The following EXT1 variants were observed in gnomAD, a reference collection of about 807,000 sequenced individuals.
EXT1 encodes the protein exostosin glycosyltransferase 1.
Under a neutral mutation model 82.5 loss-of-function variants are expected in EXT1, and 20 were observed. That is an observed-to-expected ratio of 0.24 (90% CI 0.17 to 0.35). The LOEUF (loss-of-function observed/expected upper bound fraction) is 0.35, where lower values mean the gene tolerates loss of function less well. EXT1 is among the 10% of genes least tolerant of loss of function. The pLI, the probability that EXT1 is intolerant of heterozygous loss-of-function variation, is 1.00. For missense variants in EXT1, 757 were observed against 936.5 expected (o/e 0.81, Z 2.50); for synonymous variants, 348 against 350.8 (o/e 0.99, Z 0.09).
intron 4 of EXT1, among the ~76,000 whole-genome samples, chr8:117,828,999 T>A (rs1367865685): frequency 1.3e-5 from 2 of 152,148 alleles, no homozygotes; most frequent in East Asian, 3.9e-4. Context: ...TTCTTGGTAT[T>A]ACTCAGATTT....
Position 118,111,317 on chromosome 8 carries a change from A to G in EXT1, c.-271T>C. The G allele has an allele frequency of 1.7e-6, 1 of 601,924 alleles. No individual in the cohort carries two copies. The highest frequency in any genetic ancestry group is 2.0e-5 in the South Asian group (1 of 49,474). 37.3% of individuals were successfully genotyped at this position (601,924 alleles called of 1,614,324 possible). A position where few individuals can be genotyped will look rare whatever the true frequency, so the allele number is the denominator to read the frequency against. On this transcript the variant is annotated 5_prime_UTR_variant, in exon 1 of 11. Transcript: ENST00000378204. ...GAATATCTCGCACCCAGGGCGGGCG[A>G]GCAGCGGACTGTAATTTTCTTGCAT...
chr8:117,862,636 A>G (rs1812704573), intron 1 of EXT1, among the ~76,000 whole-genome samples: 1 of 145,638 alleles, frequency 6.9e-6, no homozygotes. Flanking sequence ...AAGGGGAATT[A>G]GACAGGAATG....
rs17474741 is a variant in EXT1, at chr8:117,843,863, A to G, written c.963-6662T>C. On this transcript the variant is annotated intron_variant, in intron 1 of 10. Coordinates refer to ENST00000378204, the MANE Select transcript of EXT1 (RefSeq NM_000127.3). ...TCATTCTAAATCCCATTTTCTTTCC[A>G]TTACATCACATTGCCTCCTTGGTCA... Among the ~76,000 whole-genome samples the G allele has an allele frequency of 5.7e-3, 872 of 152,202 alleles. 5 individuals are homozygous for G. The highest frequency in any genetic ancestry group is 0.018 in the African/African-American group (765 of 41,522).
chr8:117,843,208 C>T (rs992806971), intron 1 of EXT1, among the ~76,000 whole-genome samples: 2 of 152,210 alleles, frequency 1.3e-5, no homozygotes, highest in South Asian at 2.1e-4. Flanking sequence ...CACCTCCTTG[C>T]GCCTTTTTCA....
At chr8:117,992,438 TAA>T (rs142840509) in intron 1 of EXT1, among the ~76,000 whole-genome samples, 15 of 53,106 alleles carry the variant, frequency 2.8e-4, no homozygotes, top group East Asian at 5.3e-4. Flanking sequence ...TTCAACTAGC[TAA>T]AAAAAAAAAA....
chr8:117,928,049 G>C (rs1320412733), intron 1 of EXT1, among the ~76,000 whole-genome samples: 1 of 152,184 alleles, frequency 6.6e-6, no homozygotes, highest in Non-Finnish European at 1.5e-5. Flanking sequence ...CCTCCTTATT[G>C]AACAGGCCTG....
chr8:117,874,402 C>T (rs1323620007), intron 1 of EXT1, among the ~76,000 whole-genome samples: 1 of 151,990 alleles, frequency 6.6e-6, no homozygotes, highest in Non-Finnish European at 1.5e-5. Flanking sequence ...ATGGCGAAAC[C>T]TAGTCTCTAC....
chr8:117,895,688 A>G (rs1813322518), intron 1 of EXT1, among the ~76,000 whole-genome samples: 1 of 152,198 alleles, frequency 6.6e-6, no homozygotes, highest in Admixed American at 6.5e-5. Flanking sequence ...AGTCTACCAG[A>G]ATAACCTAGG....
intron 1 of EXT1, among the ~76,000 whole-genome samples, chr8:118,058,721 A>G (rs535593016): frequency 3.9e-5 from 6 of 152,338 alleles, no homozygotes; most frequent in Admixed American, 3.3e-4. Context: ...GATTAAATAG[A>G]TTAGGTAAAT....
chr8:118,072,294 G>C (rs1817109914), intron 1 of EXT1, among the ~76,000 whole-genome samples: 1 of 152,178 alleles, frequency 6.6e-6, no homozygotes, highest in South Asian at 2.1e-4. Flanking sequence ...ATGATACTGA[G>C]CATGCTTTAA....
At chr8:117,932,979 C>T (rs1432711793) in intron 1 of EXT1, among the ~76,000 whole-genome samples, 1 of 152,230 alleles carries the variant, frequency 6.6e-6, no homozygotes, top group Admixed American at 6.5e-5. Flanking sequence ...TCACTCCATC[C>T]TAGCCATACT....
intron 1 of EXT1, among the ~76,000 whole-genome samples, chr8:118,081,866 T>A (rs1817338309): frequency 6.6e-6 from 1 of 152,226 alleles, no homozygotes; most frequent in Non-Finnish European, 1.5e-5. Flanking sequence ...CAACCCAGTC[T>A]GTACATTATT....
intron 2 of EXT1, among the ~76,000 whole-genome samples, chr8:117,836,642 G>C (rs1812192686): frequency 6.6e-6 from 1 of 152,164 alleles, no homozygotes; most frequent in South Asian, 2.1e-4. Context: ...CTGGAGCCAG[G>C]ACCTCTGAAC....
chr8:118,044,981 T>C (rs151138303), intron 1 of EXT1, among the ~76,000 whole-genome samples: 1 of 152,360 alleles, frequency 6.6e-6, no homozygotes, highest in Non-Finnish European at 1.5e-5. Context: ...CAGAAAAAGT[T>C]TGCCAACCTC....
chr8:117,889,874 T>C (rs1049662229), intron 1 of EXT1, among the ~76,000 whole-genome samples: 6 of 152,160 alleles, frequency 3.9e-5, no homozygotes, highest in African/African-American at 1.4e-4. Flanking sequence ...AGAATAACCA[T>C]GCGATTTAAT....
At position 117,886,566 on chromosome 8, in the gene EXT1, C is replaced by T. The variant is rs375477795; in HGVS notation, c.963-49365G>A. On this transcript the variant is annotated intron_variant, in intron 1 of 10. Coordinates refer to ENST00000378204, the MANE Select transcript of EXT1 (RefSeq NM_000127.3). ...TTGCCACACTACTCAACTTATGTGA[C>T]GGATGATTCTCCTGCAAGTTGGCTA... Among the ~76,000 whole-genome samples the T allele has an allele frequency of 6.6e-4, 101 of 152,330 alleles. 2 individuals are homozygous for T. In the South Asian group the frequency reaches 0.015, roughly 23 times the overall value.
At chr8:118,055,759 A>AATT (rs1816785005) in intron 1 of EXT1, among the ~76,000 whole-genome samples, 3 of 152,190 alleles carry the variant, frequency 2.0e-5, no homozygotes, top group Admixed American at 1.3e-4. Context: ...ATTCTCGCAA[A>AATT]ATCTTAATCT....
At chr8:118,019,639 C>T (rs1210531264) in intron 1 of EXT1, among the ~76,000 whole-genome samples, 1 of 152,210 alleles carries the variant, frequency 6.6e-6, no homozygotes, top group African/African-American at 2.4e-5. Flanking sequence ...CTTTTCCCAC[C>T]ATACCCAACA....
intron 1 of EXT1, among the ~76,000 whole-genome samples, chr8:117,856,388 G>T (rs1187804388): frequency 6.7e-6 from 1 of 149,866 alleles, no homozygotes; most frequent in African/African-American, 2.5e-5. Context: ...CCGAGTAGCT[G>T]GGACTACAGG....
Sources: allele counts gnomAD v4.1 joint callset (sites outside exome capture counted in the v4.1 genomes callset), GRCh38; gene constraint gnomAD v4.1.1; transcripts MANE v1.5; gene names NCBI Gene and HGNC (gene_info 2026-07-23, HGNC 2026-07-21).